Variants in RALGAPB observed in about 807,000 individuals in gnomAD.
RALGAPB encodes Ral GTPase activating protein non-catalytic subunit beta, also known as ral GTPase-activating protein subunit beta.
A neutral mutation model predicts 161.1 loss-of-function variants in RALGAPB; 25 were observed. That is an observed-to-expected ratio of 0.16 (90% CI 0.11 to 0.22). RALGAPB has a LOEUF of 0.22. RALGAPB is among the 10% of genes least tolerant of loss of function. The pLI, the probability that RALGAPB is intolerant of heterozygous loss-of-function variation, is 1.00. For missense variants in RALGAPB, 1,391 were observed against 1,815.2 expected, an observed-to-expected ratio of 0.77 and a Z score of 4.25; for synonymous variants, 629 against 626.1, an observed-to-expected ratio of 1.00 and a Z score of -0.07.
chr20:38,492,878 T>A, intron 2 of RALGAPB, 52 bp from the exon 3 acceptor site: 1 of 1,430,924 alleles, frequency 7.0e-7, no homozygotes, highest in Non-Finnish European at 9.8e-7. Context: ...TAAATCAGTC[T>A]ACTGAGATAG....
chr20:38,569,335 A>T (rs1451354877), intron 26 of RALGAPB: 1 of 125,162 alleles, frequency 8.0e-6, no homozygotes, highest in Non-Finnish European at 1.5e-5. Flanking sequence ...GTGAAACTTA[A>T]GAGTTGATTA....
At chr20:38,537,441 A>G (rs2086841037) in intron 16 of RALGAPB, among the ~76,000 whole-genome samples, 1 of 152,202 alleles carries the variant, frequency 6.6e-6, no homozygotes, top group African/African-American at 2.4e-5. Context: ...ACATAGTGAG[A>G]CTTTGTCTCT....
Position 38,562,686 on chromosome 20 carries a change from G to T in RALGAPB, c.3686G>T (p.Gly1229Val). 1 of 1,607,060 alleles carries T rather than the reference G, an allele frequency of 6.2e-7. No individual in the cohort carries two copies. Among genetic ancestry groups the T allele is most frequent in the Non-Finnish European group, 8.5e-7 (1 of 1,177,986 alleles). Residue 1229 changes from glycine to valine, a missense_variant, in exon 24 of 30, where the codon GGA becomes GTA. Coordinates refer to ENST00000262879, the MANE Select transcript of RALGAPB (RefSeq NM_020336.4). ...ATTAATTGTTGTGATGATGGTGAAG[G>T]ATCTCAACAAGGTAAAACTCACAGT... ...WSINCCDDGEGSQQEVISSED... is the reference protein window; with the variant it reads ...WSINCCDDGEVSQQEVISSED...
chr20:38,513,984 AG>A (rs1223743960), intron 6 of RALGAPB, among the ~76,000 whole-genome samples: 2 of 152,186 alleles, frequency 1.3e-5, no homozygotes, highest in Non-Finnish European at 2.9e-5. Flanking sequence ...GTAAAACTCT[AG>A]TCGAGTCTTT....
chr20:38,565,148 G>A (rs568035414), intron 24 of RALGAPB, among the ~76,000 whole-genome samples: 24 of 152,104 alleles, frequency 1.6e-4, no homozygotes, highest in Middle Eastern at 3.4e-3. Context: ...ATATACAGTC[G>A]TTTCAGAAAT....
intron 1 of RALGAPB, 41 bp downstream of exon 1, chr20:38,473,110 T>A: frequency 2.9e-6 from 1 of 340,554 alleles, no homozygotes; most frequent in Non-Finnish European, 5.3e-6. Context: ...GACCCTCCCC[T>A]CTCCTTCCCT....
In RALGAPB at chr20:38,499,516, C is replaced by G. The variant is rs1465219572; in HGVS notation, c.623C>G (p.Thr208Ser). The change falls in exon 5 of 30, where the codon ACT (threonine) becomes AGT (serine). Residue 208 changes from threonine (T) to serine (S), a missense_variant. By Grantham distance (58) the Thr-to-Ser change is moderately conservative. Coordinates refer to ENST00000262879, the MANE Select transcript of RALGAPB (RefSeq NM_020336.4). The stretch of plus-strand genomic sequence containing the variant: ...TTTGAGGTGTGGTTACTAGCTTGTA[C>G]TCGGTGCTTCCCAACACCTCCTTAT... ...VLFEVWLLAC[T>S]RCFPTPPYWK... is the part of the protein sequence containing the mutation. 1.9e-6 allele frequency: 3 copies of G among 1,613,910 alleles called. No homozygotes were observed. The highest frequency in any genetic ancestry group is 2.5e-6 in the Non-Finnish European group (3 of 1,179,932).
At chr20:38,529,069 A>G (rs1381624249) in intron 13 of RALGAPB, among the ~76,000 whole-genome samples, 2 of 152,170 alleles carry the variant, frequency 1.3e-5, no homozygotes, top group South Asian at 2.1e-4. Flanking sequence ...GGTGTTAGTG[A>G]TGCCAATTCC....
Position 38,555,224 on chromosome 20 carries a change from C to T in RALGAPB, c.3372+1148C>T, listed in dbSNP as rs941218586. 3.9e-5 allele frequency among the ~76,000 whole-genome samples: 6 copies of T among 152,244 alleles called. 1 individual carries two copies. The South Asian group carries it at 1.2e-3, about 31-fold the overall frequency. ...GTCCTGTTTGTTTTGAAAAGTACAA[C>T]TGAAGATTGCCAAGCAAGAAGTTGC... On this transcript the variant is annotated intron_variant, in intron 22 of 29. Transcript: ENST00000262879.
chr20:38,549,833 T>C (rs2087312079), intron 20 of RALGAPB, among the ~76,000 whole-genome samples: 1 of 152,136 alleles, frequency 6.6e-6, no homozygotes, highest in African/African-American at 2.4e-5. Context: ...TTTGAGTCAT[T>C]TTGTATACTG....
At chr20:38,546,098 C>A in intron 18 of RALGAPB, 145 bp from the exon 19 acceptor site, 1 of 1,400,300 alleles carries the variant, frequency 7.1e-7, no homozygotes, top group Non-Finnish European at 9.6e-7. Flanking sequence ...CCATGGCATT[C>A]ACCACAAGGA....
chr20:38,508,254 AAC>A (rs2085827190), intron 5 of RALGAPB, among the ~76,000 whole-genome samples: 1 of 152,064 alleles, frequency 6.6e-6, no homozygotes, highest in African/African-American at 2.4e-5. Flanking sequence ...ACAGCTGAAA[AAC>A]ACAAACTATA....
chr20:38,523,593 G>T (rs1189980458), intron 10 of RALGAPB, among the ~76,000 whole-genome samples: 3 of 152,220 alleles, frequency 2.0e-5, no homozygotes, highest in Admixed American at 6.5e-5. Context: ...GCCAGATATT[G>T]TGCACAGAAG....
chr20:38,544,473 G>A (rs1375566236), intron 18 of RALGAPB, among the ~76,000 whole-genome samples: 1 of 151,582 alleles, frequency 6.6e-6, no homozygotes, highest in Non-Finnish European at 1.5e-5. Context: ...CTATTATTTT[G>A]TATTTTTTTC....
chr20:38,570,842 A>G lies in RALGAPB; in HGVS notation c.4137A>G (p.Ser1379=). 6.3e-7 allele frequency: 1 copy of G among 1,589,944 alleles called. No individual in the cohort carries two copies. Among genetic ancestry groups the G allele is most frequent in the South Asian group, 1.1e-5 (1 of 90,230 alleles). Residue 1379 remains serine, a synonymous_variant, in exon 28 of 30, where the codon TCA becomes TCG. Coordinates refer to ENST00000262879, the MANE Select transcript of RALGAPB (RefSeq NM_020336.4). ...GVETTANSST[S]LRSTTLEKEV... ...AAACTACTGCAAATAGTAGCACTTCACTGAGGTACACTCTATTTGCTTGAA... is the reference window on the plus strand; with the variant it reads ...AAACTACTGCAAATAGTAGCACTTCGCTGAGGTACACTCTATTTGCTTGAA...
intron 2 of RALGAPB, among the ~76,000 whole-genome samples, chr20:38,488,823 GGA>G: frequency 6.6e-6 from 1 of 152,288 alleles, no homozygotes; most frequent in Middle Eastern, 3.4e-3. Flanking sequence ...CGGAGTTTGT[GGA>G]GGTTATAAGG....
At chr20:38,549,355 G>C (rs1242528664) in intron 20 of RALGAPB, among the ~76,000 whole-genome samples, 1 of 151,702 alleles carries the variant, frequency 6.6e-6, no homozygotes, top group African/African-American at 2.4e-5. Flanking sequence ...ATCCTCCTGA[G>C]TAGCTGAGAC....
intron 2 of RALGAPB, among the ~76,000 whole-genome samples, chr20:38,491,813 T>C (rs1166900979): frequency 7.9e-5 from 12 of 152,232 alleles, no homozygotes; most frequent in Admixed American, 2.0e-4. Context: ...TTGTCAGCCC[T>C]CTAAATAGTA....
chr20:38,483,381 A>G (rs2085029593), intron 1 of RALGAPB, among the ~76,000 whole-genome samples: 1 of 152,212 alleles, frequency 6.6e-6, no homozygotes, highest in South Asian at 2.1e-4. Context: ...TAATGGCTAC[A>G]TAATAGTATA....
Sources: gnomAD v4.1 joint callset for allele counts (sites outside exome capture counted in the v4.1 genomes callset) on GRCh38, gnomAD v4.1.1 for gene constraint, MANE v1.5 for transcripts, NCBI Gene and HGNC (gene_info 2026-07-23, HGNC 2026-07-21) for gene names.